N4BP2: variants seen among roughly 807,000 people sequenced by gnomAD.
N4BP2 encodes the protein NEDD4-binding protein 2.
N4BP2 carries 91 observed loss-of-function variants against 152.8 expected under a neutral mutation model. The observed-to-expected ratio is 0.60, with a 90% CI of 0.50 to 0.71. The LOEUF (loss-of-function observed/expected upper bound fraction) is 0.71, where lower values mean the gene tolerates loss of function less well. Ranked by LOEUF, N4BP2 falls within the 30% of genes least tolerant of loss-of-function variation. N4BP2 has a pLI of 0.00. For missense variants in N4BP2, 1,923 were observed against 2,059.1 expected (o/e 0.93, Z 1.28); for synonymous variants, 646 against 705.3 (o/e 0.92, Z 1.33).
At position 40,122,314 on chromosome 4, in the gene N4BP2, G is replaced by A; in HGVS notation, c.4198+5G>A. On this transcript the variant is annotated splice_donor_5th_base_variant and intron_variant, in intron 9 of 17. Transcript: ENST00000261435. ...GTCCTGTTGGTATTGATTCAGGTAA[G>A]GAAAAAGTAAATGACCATGTGTGTG... 3.3e-6 allele frequency: 5 copies of A among 1,532,160 alleles called. No homozygotes were observed. The highest frequency in any genetic ancestry group is 4.4e-6 in the Non-Finnish European group (5 of 1,132,226). The allele number at this position is 1,532,160 out of a possible 1,614,324, so 94.9% of individuals were successfully genotyped here.
chr4:40,121,931 A>C lies in N4BP2; in HGVS notation c.3820A>C (p.Thr1274Pro). 1.3e-6 allele frequency: 2 copies of C among 1,584,736 alleles called. No homozygotes were observed. Among genetic ancestry groups the C allele is most frequent in the Non-Finnish European group, 1.7e-6 (2 of 1,169,916 alleles). ...ETEKNLVVTE[T>P]GDNIHSPSHF... ...AGAAAAAAACCTAGTAGTCACAGAG[A>C]CTGGAGACAACATACATTCTCCTTC... The change falls in exon 9 of 18, where the codon ACT (threonine) becomes CCT (proline). Residue 1274 changes from threonine (T) to proline (P), a missense_variant. By Grantham distance (38) the Thr-to-Pro change is conservative. Coordinates refer to ENST00000261435, the MANE Select transcript of N4BP2 (RefSeq NM_018177.6).
chr4:40,112,141 A>G lies in N4BP2; in HGVS notation c.1556A>G (p.Gln519Arg). 1 of 1,579,730 alleles carries G rather than the reference A, an allele frequency of 6.3e-7. No homozygotes were observed. ...SPIIIDNTNL[Q>R]AWEMKPYVAL... ...ATAATTATAGATAATACAAACCTAC[A>G]GGCATGGGAAATGAAACCATATGTT... is the stretch of plus-strand genomic sequence containing the variant. The change falls in exon 6 of 18, where the codon CAG (glutamine) becomes CGG (arginine). Residue 519 changes from glutamine to arginine, a missense_variant. By Grantham distance (43) the Gln-to-Arg change is conservative (BLOSUM62 1). Coordinates refer to ENST00000261435, the MANE Select transcript of N4BP2 (RefSeq NM_018177.6).
At chr4:40,057,447 T>A (rs1234520677) in intron 1 of N4BP2, among the ~76,000 whole-genome samples, 1 of 152,236 alleles carries the variant, frequency 6.6e-6, no homozygotes, top group Non-Finnish European at 1.5e-5. Flanking sequence ...AGGCGGAGCC[T>A]TCTGGGAACT....
the N4BP2 span, among the ~76,000 whole-genome samples, chr4:40,181,519 C>T: frequency 3.3e-5 from 5 of 152,152 alleles, no homozygotes. Flanking sequence ...GGTAGGTGCT[C>T]CAAGGCTGGT....
chr4:40,103,187 C>A lies in N4BP2; in HGVS notation c.1342C>A (p.Leu448Ile). Residue 448 changes from leucine to isoleucine, a missense_variant, in exon 4 of 18, where the codon CTT (leucine) becomes ATT (isoleucine). Coordinates refer to ENST00000261435, the MANE Select transcript of N4BP2 (RefSeq NM_018177.6). ...ACTAGTTCTTGTTCTTCTCAGAGGT[C>A]TTCCGGGATCTGGAAAATCTTTTTT... ...VGLVLVLLRG[L>I]PGSGKSFLAR... 1 of 1,607,288 alleles carries A rather than the reference C, an allele frequency of 6.2e-7. No homozygotes were observed. Among genetic ancestry groups the A allele is most frequent in the South Asian group, 1.1e-5 (1 of 90,406 alleles).
At chr4:40,134,895 TCC>T (rs1381228857) in intron 13 of N4BP2, among the ~76,000 whole-genome samples, 11 of 85,312 alleles carry the variant, frequency 1.3e-4, no homozygotes, top group Non-Finnish European at 1.8e-4. Context: ...CTCCCTTCCT[TCC>T]TTCCTTTCTC....
At position 40,120,507 on chromosome 4, in the gene N4BP2, A is replaced by G. The variant is rs1201270821; in HGVS notation, c.2396A>G (p.Gln799Arg). 1 of 1,613,632 alleles carries G rather than the reference A, an allele frequency of 6.2e-7. No homozygotes were observed. The highest frequency in any genetic ancestry group is 1.1e-5 in the South Asian group (1 of 91,056). The change falls in exon 9 of 18, where the codon CAG becomes CGG. Residue 799 changes from glutamine (Q) to arginine (R), a missense_variant. By Grantham distance (43) the Gln-to-Arg change is conservative. Coordinates refer to ENST00000261435, the MANE Select transcript of N4BP2 (RefSeq NM_018177.6). ...GDWPVDKTIGQRTKRNRKTEK... is the reference protein window; with the variant it reads ...GDWPVDKTIGRRTKRNRKTEK... ...TGGCCAGTTGATAAGACTATTGGTC[A>G]GAGGACAAAAAGGAACAGAAAAACT...
chr4:40,122,025 T>C lies in N4BP2; in HGVS notation c.3914T>C (p.Phe1305Ser), dbSNP rs566560217. 3 of 1,542,294 alleles carry C rather than the reference T, an allele frequency of 1.9e-6. No homozygotes were observed. In the South Asian group the frequency reaches 3.7e-5, roughly 19 times the overall value. The change falls in exon 9 of 18, where the codon TTT becomes TCT. Residue 1305 changes from phenylalanine (F) to serine (S), a missense_variant. Phe to Ser is a radical substitution (Grantham distance 155). Coordinates refer to ENST00000261435, the MANE Select transcript of N4BP2 (RefSeq NM_018177.6). ...SNLELNEEIY[F>S]TDSLEIKRNE... The stretch of plus-strand genomic sequence containing the variant: ...CTTGAATTAAATGAAGAAATTTATT[T>C]TACTGATTCTCTTGAAATAAAGAGA...
the N4BP2 span, among the ~76,000 whole-genome samples, chr4:40,185,741 G>A: frequency 2.6e-5 from 4 of 152,044 alleles, no homozygotes; most frequent in African/African-American, 9.7e-5. Flanking sequence ...AAGCAGGAAG[G>A]TACTCATTTA....
rs754268777 is a variant in N4BP2, at chr4:40,102,204, G to A, written c.359G>A (p.Arg120His). Residue 120 changes from arginine to histidine, a missense_variant, in exon 4 of 18, where the codon CGT becomes CAT. Arg to His is a conservative substitution (Grantham distance 29). Transcript: ENST00000261435. Reference protein sequence around the residue: ...GAAESKIMEKRPEEESEDSKM... With the variant: ...GAAESKIMEKHPEEESEDSKM... ...GCAGAAAGTAAAATAATGGAAAAACGTCCTGAAGAAGAGAGTGAAGATTCA... is the reference window on the plus strand; with the variant it reads ...GCAGAAAGTAAAATAATGGAAAAACATCCTGAAGAAGAGAGTGAAGATTCA... The A allele has an allele frequency of 7.4e-6, 12 of 1,613,808 alleles. No individual in the cohort carries two copies. Among genetic ancestry groups the A allele is most frequent in the South Asian group, 3.3e-5 (3 of 91,070 alleles).
chr4:40,107,490 T>A (rs1203760483), intron 5 of N4BP2, among the ~76,000 whole-genome samples: 1 of 152,096 alleles, frequency 6.6e-6, no homozygotes, highest in Non-Finnish European at 1.5e-5. Flanking sequence ...TTCAAGTGAT[T>A]CTTCTGCCTC....
At chr4:40,139,679 G>A (rs1349196459) in intron 14 of N4BP2, among the ~76,000 whole-genome samples, 3 of 151,716 alleles carry the variant, frequency 2.0e-5, no homozygotes, top group African/African-American at 7.3e-5. Context: ...TTTTAGTAGA[G>A]ACGGGGTTTC....
rs1718011676 is a variant in N4BP2 at position 40,122,291 on chromosome 4, C to G, written c.4180C>G (p.Pro1394Ala). 3.2e-6 allele frequency: 5 copies of G among 1,580,118 alleles called. No homozygotes were observed. Among genetic ancestry groups the G allele is most frequent in the Non-Finnish European group, 3.4e-6 (4 of 1,159,454 alleles). ...LAFQLNELFG[P>A]VGIDSGSLTV... ...TTTTCAACTTAATGAATTATTTGGT[C>G]CTGTTGGTATTGATTCAGGTAAGGA... is the stretch of plus-strand genomic sequence containing the variant. Residue 1394 changes from proline to alanine, a missense_variant, in exon 9 of 18, where the codon CCT becomes GCT. Coordinates refer to ENST00000261435, the MANE Select transcript of N4BP2 (RefSeq NM_018177.6).
At chr4:40,145,039 T>A (rs1720384634) in intron 16 of N4BP2, among the ~76,000 whole-genome samples, 1 of 152,206 alleles carries the variant, frequency 6.6e-6, no homozygotes, top group South Asian at 2.1e-4. Context: ...GAGGGCATGG[T>A]GTAATCTGCG....
At chr4:40,150,671 A>G (rs906659306) in intron 16 of N4BP2, among the ~76,000 whole-genome samples, 11 of 59,920 alleles carry the variant, frequency 1.8e-4, no homozygotes, top group South Asian at 1.6e-3. Flanking sequence ...ACTCTGTCTC[A>G]GGGGGAAAAA....
intron 3 of N4BP2, among the ~76,000 whole-genome samples, chr4:40,101,219 C>T (rs975617503): frequency 2.0e-5 from 3 of 152,132 alleles, no homozygotes; most frequent in Admixed American, 6.6e-5. Flanking sequence ...TGCAGTGGCG[C>T]GATCTCTGCT....
At chr4:40,152,627 A>T (rs1182331012) in intron 16 of N4BP2, among the ~76,000 whole-genome samples, 153 bp from the exon 17 acceptor site, 1 of 152,192 alleles carries the variant, frequency 6.6e-6, no homozygotes, top group East Asian at 1.9e-4. Flanking sequence ...GCTTTTTGAG[A>T]TAGCAAATCT....
intron 1 of N4BP2, among the ~76,000 whole-genome samples, chr4:40,060,101 T>C (rs998546535): frequency 1.3e-5 from 2 of 152,130 alleles, no homozygotes; most frequent in Admixed American, 1.3e-4. Flanking sequence ...CTCAAGGCGC[T>C]GAGATTACAG....
rs1008920534 is a variant in N4BP2, at chr4:40,121,918, A to G, written c.3807A>G (p.Leu1269=). 2 of 1,593,286 alleles carry G rather than the reference A, an allele frequency of 1.3e-6. No homozygotes were observed. The highest frequency in any genetic ancestry group is 1.4e-5 in the African/African-American group (1 of 73,484). The change falls in exon 9 of 18, where the codon CTA becomes CTG. Residue 1269 remains leucine (L), a synonymous_variant. Coordinates refer to ENST00000261435, the MANE Select transcript of N4BP2 (RefSeq NM_018177.6). Reference sequence around the variant, plus strand: ...ATATGAGTGAAACAGAAAAAAACCTAGTAGTCACAGAGACTGGAGACAACA... The same window carrying G: ...ATATGAGTGAAACAGAAAAAAACCTGGTAGTCACAGAGACTGGAGACAACA... ...PKDMSETEKN[L]VVTETGDNIH...
Sources: gnomAD v4.1 joint callset for allele counts (sites outside exome capture counted in the v4.1 genomes callset) on GRCh38, gnomAD v4.1.1 for gene constraint, MANE v1.5 for transcripts, NCBI Gene and HGNC (gene_info 2026-07-23, HGNC 2026-07-21) for gene names.